Variants in STYXL2 observed in about 807,000 individuals in gnomAD.
The protein encoded by STYXL2 is serine/threonine/tyrosine interacting like 2.
A neutral mutation model predicts 52.4 loss-of-function variants in STYXL2; 44 were observed. The ratio of observed to expected loss-of-function variants is 0.84; its 90% CI spans 0.66 to 1.08. STYXL2 has a LOEUF of 1.08. Ranked by LOEUF, STYXL2 falls within the 50% of genes least tolerant of loss-of-function variation. The probability of loss-of-function intolerance (pLI) is 0.00; values close to 1 mark genes in which losing one functional copy is unlikely to be tolerated. For missense variants in STYXL2, 1,604 were observed against 1,471.7 expected (o/e 1.09, Z -1.47); for synonymous variants, 604 against 586.9 (o/e 1.03, Z -0.42).
Position 167,126,982 on chromosome 1 carries a change from G to C in STYXL2, c.1851G>C (p.Ser617=). The change falls in exon 6 of 6, where the codon TCG becomes TCC. Residue 617 remains serine, a synonymous_variant. Transcript: ENST00000361200. The part of the protein sequence containing the change: ...EVVELSKGED[S]ALAKKRQRRL... ...TGGAGCTCAGCAAGGGGGAGGACTC[G>C]GCCTTGGCTAAGAAGAGACAACGGA... is the stretch of plus-strand genomic sequence containing the variant. 6.2e-7 allele frequency: 1 copy of C among 1,609,118 alleles called. No homozygotes were observed. The highest frequency in any genetic ancestry group is 8.5e-7 in the Non-Finnish European group (1 of 1,177,464).
chr1:167,123,472 A>G (rs934570795), intron 5 of STYXL2, among the ~76,000 whole-genome samples: 7 of 152,338 alleles, frequency 4.6e-5, no homozygotes, highest in Admixed American at 3.3e-4. Context: ...AAAGAAAACC[A>G]GTGAGACTTA....
chr1:167,111,469 CATATATATATATATATATATATATAT>C (rs776014246), intron 2 of STYXL2, among the ~76,000 whole-genome samples: 6 of 79,936 alleles, frequency 7.5e-5, no homozygotes, highest in South Asian at 4.7e-4. Flanking sequence ...AAATATGGTA[CATATATATATATATATATATATATAT>C]ATATATATAT....
At position 167,127,407 on chromosome 1, in the gene STYXL2, C is replaced by T. The variant is rs761853640; in HGVS notation, c.2276C>T (p.Ala759Val). ...GTTGCAAGCATGAAGGCAGTACCAGCGGCTAGCTGCCTGGGGGATGACCAA... is the reference window on the plus strand; with the variant it reads ...GTTGCAAGCATGAAGGCAGTACCAGTGGCTAGCTGCCTGGGGGATGACCAA... ...PSVASMKAVP[A>V]ASCLGDDQVS... Residue 759 changes from alanine to valine, a missense_variant, in exon 6 of 6, where the codon GCG becomes GTG. Coordinates refer to ENST00000361200, the MANE Select transcript of STYXL2 (RefSeq NM_001080426.3). 1.5e-5 allele frequency: 24 copies of T among 1,613,990 alleles called. No homozygotes were observed. The highest frequency in any genetic ancestry group is 4.0e-5 in the African/African-American group (3 of 74,912).
rs759330951 is a variant in STYXL2 at position 167,126,703 on chromosome 1, C to T, written c.1572C>T (p.Gly524=). The change falls in exon 6 of 6, where the codon GGC becomes GGT. Residue 524 remains glycine, a synonymous_variant. Transcript: ENST00000361200. ...GGGAGGATGATGAGGACAGCGTGGG[C>T]TCTGAGGCCAGTTCCTTCTACAACT... is the stretch of plus-strand genomic sequence containing the variant. ...RVREDDEDSV[G]SEASSFYNFC... is the part of the protein sequence containing the mutation. The T allele has an allele frequency of 4.3e-6, 7 of 1,614,186 alleles. No homozygotes were observed. In the African/African-American group the frequency reaches 9.3e-5, roughly 22 times the overall value.
chr1:167,113,941 G>A (rs1322198761), intron 3 of STYXL2, 137 bp downstream of exon 3: 2 of 715,552 alleles, frequency 2.8e-6, no homozygotes, highest in Non-Finnish European at 5.0e-6. Context: ...GCAGAAGGCA[G>A]TTCTGCCAAC....
In STYXL2 at chr1:167,127,442, C is replaced by T. The variant is rs1410335199; in HGVS notation, c.2311C>T (p.Leu771Phe). 17 of 1,613,948 alleles carry T rather than the reference C, an allele frequency of 1.1e-5. No individual in the cohort carries two copies. The highest frequency in any genetic ancestry group is 2.2e-5 in the South Asian group (2 of 91,070). ...SCLGDDQVSM[L>F]SGHSSSSLGG... ...CCTGGGGGATGACCAAGTCTCCATGCTTAGTGGACACAGCAGCTCCTCCTT... is the reference window on the plus strand; with the variant it reads ...CCTGGGGGATGACCAAGTCTCCATGTTTAGTGGACACAGCAGCTCCTCCTT... The change falls in exon 6 of 6, where the codon CTT becomes TTT. Residue 771 changes from leucine (L) to phenylalanine (F), a missense_variant. Physicochemically the swap from Leu to Phe is conservative, Grantham distance 22. Coordinates refer to ENST00000361200, the MANE Select transcript of STYXL2 (RefSeq NM_001080426.3).
chr1:167,100,502 G>T (rs1237429498), intron 2 of STYXL2, among the ~76,000 whole-genome samples: 2 of 152,186 alleles, frequency 1.3e-5, no homozygotes, highest in East Asian at 1.9e-4. Context: ...GAAACAGGAC[G>T]CAGGGAAGAT....
chr1:167,115,565 G>A (rs1667706628), intron 3 of STYXL2, among the ~76,000 whole-genome samples: 1 of 152,142 alleles, frequency 6.6e-6, no homozygotes. Flanking sequence ...AATAGCCGAG[G>A]AAGACAACAC....
At chr1:167,115,904 G>A (rs1667712367) in intron 3 of STYXL2, among the ~76,000 whole-genome samples, 1 of 152,126 alleles carries the variant, frequency 6.6e-6, no homozygotes, top group Non-Finnish European at 1.5e-5. Flanking sequence ...TGAGCCCTAG[G>A]CAGAACCCAA....
rs753740587 is a variant in STYXL2 at position 167,125,994 on chromosome 1, G to A, written c.863G>A (p.Arg288Gln). The A allele has an allele frequency of 5.0e-5, 80 of 1,611,134 alleles. No homozygotes were observed. The highest frequency in any genetic ancestry group is 1.3e-4 in the South Asian group (12 of 90,598). Residue 288 changes from arginine to glutamine, a missense_variant, in exon 6 of 6, where the codon CGG (arginine) becomes CAG (glutamine). Physicochemically the swap from Arg to Gln is conservative, Grantham distance 43 (BLOSUM62 1). Coordinates refer to ENST00000361200, the MANE Select transcript of STYXL2 (RefSeq NM_001080426.3). ...GAGGAGAGAGAAGAGGACTATGGCC[G>A]GGAGGGGGGATCAGCTGAGGCTGAG... ...LMEEREEDYG[R>Q]EGGSAEAEEG...
At chr1:167,103,979 G>GT (rs1667455165) in intron 2 of STYXL2, among the ~76,000 whole-genome samples, 1 of 152,080 alleles carries the variant, frequency 6.6e-6, no homozygotes, top group South Asian at 2.1e-4. Flanking sequence ...AATTAGCCTG[G>GT]TGTGGTGGTG....
Position 167,126,791 on chromosome 1 carries a change from T to A in STYXL2, c.1660T>A (p.Phe554Ile). ...LERWKIKRIQ[F>I]GFHKKDLGAG... is the part of the protein sequence containing the mutation. ...AAGATGGAAGATCAAGAGAATCCAA[T>A]TTGGATTTCACAAGAAAGACTTGGG... The change falls in exon 6 of 6, where the codon TTT becomes ATT. Residue 554 changes from phenylalanine (F) to isoleucine (I), a missense_variant. Coordinates refer to ENST00000361200, the MANE Select transcript of STYXL2 (RefSeq NM_001080426.3). 1 of 1,614,064 alleles carries A rather than the reference T, an allele frequency of 6.2e-7. No homozygotes were observed. The highest frequency in any genetic ancestry group is 8.5e-7 in the Non-Finnish European group (1 of 1,179,998).
intron 2 of STYXL2, among the ~76,000 whole-genome samples, chr1:167,097,533 T>G (rs1048814608): frequency 6.6e-6 from 1 of 152,164 alleles, no homozygotes; most frequent in Non-Finnish European, 1.5e-5. Context: ...TTGTAATTTG[T>G]AGTGTAATTG....
chr1:167,117,419 C>A lies in STYXL2; in HGVS notation c.297C>A (p.Arg99=), dbSNP rs749750951. The stretch of plus-strand genomic sequence containing the variant: ...TGCTGGTGGAGGACCTGTACAACCG[C>A]GTCAGGGAGAAGATGGATGACACCA... ...EQLLVEDLYN[R]VREKMDDTSL... The change falls in exon 4 of 6, where the codon CGC becomes CGA. Residue 99 remains arginine, a synonymous_variant. Transcript: ENST00000361200. 6.2e-7 allele frequency: 1 copy of A among 1,612,764 alleles called. No homozygotes were observed. Among genetic ancestry groups the A allele is most frequent in the African/African-American group, 1.3e-5 (1 of 75,022 alleles).
At chr1:167,102,540 A>G (rs1348422072) in intron 2 of STYXL2, among the ~76,000 whole-genome samples, 1 of 152,206 alleles carries the variant, frequency 6.6e-6, no homozygotes, top group African/African-American at 2.4e-5. Flanking sequence ...TATTTGATAA[A>G]TGCTGGTTCT....
At chr1:167,112,907 T>A (rs1667647529) in intron 2 of STYXL2, among the ~76,000 whole-genome samples, 1 of 152,166 alleles carries the variant, frequency 6.6e-6, no homozygotes. Flanking sequence ...CCAAAGCTCA[T>A]CTGAACACCT....
chr1:167,121,332 T>C (rs1445753506), intron 5 of STYXL2, among the ~76,000 whole-genome samples: 1 of 152,148 alleles, frequency 6.6e-6, no homozygotes, highest in Non-Finnish European at 1.5e-5. Flanking sequence ...CTTTTTAAAA[T>C]GTAGGACGTT....
At chr1:167,103,574 C>T (rs1447954386) in intron 2 of STYXL2, among the ~76,000 whole-genome samples, 1 of 152,016 alleles carries the variant, frequency 6.6e-6, no homozygotes, top group Non-Finnish European at 1.5e-5. Context: ...GGTATCAAAT[C>T]TTCATTTTTG....
At chr1:167,103,818 A>G (rs1667450871) in intron 2 of STYXL2, among the ~76,000 whole-genome samples, 1 of 152,120 alleles carries the variant, frequency 6.6e-6, no homozygotes, top group African/African-American at 2.4e-5. Context: ...CTAAACAAAT[A>G]CAGCCTAAGA....
Sources: allele counts gnomAD v4.1 joint callset (sites outside exome capture counted in the v4.1 genomes callset), GRCh38; gene constraint gnomAD v4.1.1; transcripts MANE v1.5; gene names NCBI Gene and HGNC (gene_info 2026-07-23, HGNC 2026-07-21).